CYP46A1: variants seen among roughly 807,000 people sequenced by gnomAD.
The protein encoded by CYP46A1 is cytochrome P450 family 46 subfamily A member 1.
A neutral mutation model predicts 63.3 loss-of-function variants in CYP46A1; 20 were observed. That is an observed-to-expected ratio of 0.32 (90% confidence interval 0.22 to 0.46). CYP46A1 has a LOEUF of 0.46. Among genes scored for constraint, CYP46A1 ranks in the 20% least tolerant of loss-of-function variants. The pLI, the probability that CYP46A1 is intolerant of heterozygous loss-of-function variation, is 1.00. For missense variants in CYP46A1, 445 were observed against 670.8 expected, an observed-to-expected ratio of 0.66 and a Z score of 3.72; for synonymous variants, 268 against 273.6, an observed-to-expected ratio of 0.98 and a Z score of 0.20.
chr14:99,689,524 G>A (rs1409664451), intron 1 of CYP46A1, among the ~76,000 whole-genome samples: 1 of 152,200 alleles, frequency 6.6e-6, no homozygotes, highest in Non-Finnish European at 1.5e-5. Flanking sequence ...GGCAGAGCCA[G>A]AGACGGCCCT....
chr14:99,698,476 AC>A, intron 3 of CYP46A1, among the ~76,000 whole-genome samples: 1 of 152,282 alleles, frequency 6.6e-6, no homozygotes. Context: ...GGTGGCTCAC[AC>A]CTGTAATCTC....
At position 99,720,717 on chromosome 14, in the gene CYP46A1, G is replaced by A. The variant is rs541130668; in HGVS notation, c.981-522G>A. 3.9e-5 allele frequency among the ~76,000 whole-genome samples: 6 copies of A among 152,198 alleles called. No individual in the cohort carries two copies. In the East Asian group the frequency reaches 1.2e-3, roughly 29 times the overall value. On this transcript the variant is annotated intron_variant, in intron 10 of 14. Transcript: ENST00000261835. ...CAAACATCAGACACAAAGGGTGGAT[G>A]TTTTAGGGCCCCTGCAACATAGTTC... is the stretch of plus-strand genomic sequence containing the variant.
chr14:99,707,150 G>A (rs1168329895), intron 6 of CYP46A1, among the ~76,000 whole-genome samples: 1 of 152,190 alleles, frequency 6.6e-6, no homozygotes, highest in Non-Finnish European at 1.5e-5. Flanking sequence ...TCAGCAGTGG[G>A]CCCAGTAACC....
intron 1 of CYP46A1, among the ~76,000 whole-genome samples, chr14:99,687,905 C>A (rs1270667534): frequency 6.6e-6 from 1 of 152,066 alleles, no homozygotes; most frequent in African/African-American, 2.4e-5. Flanking sequence ...TTAGCCTTAC[C>A]TGCTTGTTTT....
At chr14:99,699,562 C>T in intron 4 of CYP46A1, 23 bp downstream of exon 4, 1 of 1,613,700 alleles carries the variant, frequency 6.2e-7, no homozygotes, top group Middle Eastern at 1.7e-4. Context: ...GGTGGAAGGC[C>T]TGGGTGGGAG....
chr14:99,718,267 T>C (rs1595203895), intron 10 of CYP46A1, 141 bp downstream of exon 10: 2 of 632,008 alleles, frequency 3.2e-6, no homozygotes, highest in East Asian at 5.7e-5. Context: ...GTTCCCTCTC[T>C]TGGAAGCGCT....
intron 5 of CYP46A1, among the ~76,000 whole-genome samples, chr14:99,701,845 G>A (rs1203476502): frequency 4.6e-5 from 7 of 152,102 alleles, no homozygotes; most frequent in South Asian, 4.1e-4. Context: ...CAAGGCAGGC[G>A]GATCACCTGA....
intron 6 of CYP46A1, 61 bp downstream of exon 6, chr14:99,706,846 C>T (rs1190947060): frequency 4.5e-6 from 7 of 1,566,800 alleles, no homozygotes; most frequent in Admixed American, 1.8e-5. Flanking sequence ...GGGGTCTCTT[C>T]TCTCCCTCTT....
chr14:99,703,841 T>G (rs2056652088), intron 5 of CYP46A1: 1 of 985,338 alleles, frequency 1.0e-6, no homozygotes, highest in East Asian at 1.1e-4. Flanking sequence ...AGTGAATCAA[T>G]GAATTGGAAT....
chr14:99,718,976 CT>C (rs2056818918), intron 10 of CYP46A1, among the ~76,000 whole-genome samples: 1 of 152,092 alleles, frequency 6.6e-6, no homozygotes, highest in South Asian at 2.1e-4. Flanking sequence ...TGTTCAGCAC[CT>C]TCTCACCTAC....
intron 10 of CYP46A1, among the ~76,000 whole-genome samples, chr14:99,719,915 C>G (rs1001160078): frequency 3.9e-5 from 6 of 152,138 alleles, no homozygotes; most frequent in African/African-American, 1.4e-4. Context: ...GTGCACGCCA[C>G]CATGCCTGGC....
At position 99,719,388 on chromosome 14, in the gene CYP46A1, T is replaced by G. The variant is rs1027444566; in HGVS notation, c.980+1262T>G. On this transcript the variant is annotated intron_variant, in intron 10 of 14. Coordinates refer to ENST00000261835, the MANE Select transcript of CYP46A1 (RefSeq NM_006668.2). ...CACCACACCTGGCTAATTTTTTTTTTTTTGTGTATTTTTAGTAGAGACGGG... is the reference window on the plus strand; with the variant it reads ...CACCACACCTGGCTAATTTTTTTTTGTTTGTGTATTTTTAGTAGAGACGGG... Among the ~76,000 whole-genome samples the G allele has an allele frequency of 1.7e-4, 25 of 151,158 alleles. 2 individuals carry two copies. The highest frequency in any genetic ancestry group is 5.9e-4 in the African/African-American group (24 of 40,958).
At chr14:99,726,067 G>A in intron 13 of CYP46A1, 123 bp from the exon 14 acceptor site, 1 of 824,062 alleles carries the variant, frequency 1.2e-6, no homozygotes, top group Non-Finnish European at 2.0e-6. Context: ...TGCATGCAAA[G>A]TGCCCAGCCC....
intron 5 of CYP46A1, among the ~76,000 whole-genome samples, chr14:99,701,812 G>A (rs7148158): frequency 0.31 from 47,423 of 152,092 alleles, 7,489 homozygotes; most frequent in Middle Eastern, 0.37. Flanking sequence ...GTTCATGCCT[G>A]TAATCCCAGC....
intron 10 of CYP46A1, among the ~76,000 whole-genome samples, chr14:99,719,847 C>T (rs1401696345): frequency 2.7e-5 from 4 of 150,066 alleles, no homozygotes; most frequent in African/African-American, 4.9e-5. Flanking sequence ...CTGCAAGCTC[C>T]ACCTCCCGGG....
intron 3 of CYP46A1, chr14:99,695,295 G>A (rs906363761): frequency 4.9e-6 from 1 of 206,002 alleles, no homozygotes; most frequent in African/African-American, 2.4e-5. Context: ...TAGAAATGTC[G>A]ATTAGGTCAA....
chr14:99,709,289 G>C (rs1172396223), intron 7 of CYP46A1: 1 of 152,140 alleles, frequency 6.6e-6, no homozygotes, highest in African/African-American at 2.4e-5. Context: ...AGATAAAAAT[G>C]CAAAGAAATC....
At chr14:99,721,011 G>T (rs535372608) in intron 10 of CYP46A1, among the ~76,000 whole-genome samples, 2 of 152,232 alleles carry the variant, frequency 1.3e-5, no homozygotes, top group East Asian at 1.9e-4. Context: ...CTTGAATCCT[G>T]GGGGGAGGGC....
chr14:99,699,964 C>CGGGGGGGGGGGGGGGGGGGGGGG (rs2140119740), intron 4 of CYP46A1, 51 bp from the exon 5 acceptor site: 7 of 773,846 alleles, frequency 9.0e-6, no homozygotes, highest in Middle Eastern at 2.6e-4. Context: ...ATCAAGCAGT[C>CGGGGGGGGGGGGGGGGGGGGGGG]GCTCCCCACC....
Sources: gnomAD v4.1 joint callset for allele counts (sites outside exome capture counted in the v4.1 genomes callset) on GRCh38, gnomAD v4.1.1 for gene constraint, MANE v1.5 for transcripts, NCBI Gene and HGNC (gene_info 2026-07-23, HGNC 2026-07-21) for gene names.